AHI1: variants seen among roughly 807,000 people sequenced by gnomAD.
The protein encoded by AHI1 is jouberin.
AHI1 carries 123 observed loss-of-function variants against 149.3 expected under a neutral mutation model. The ratio of observed to expected loss-of-function variants is 0.82; its 90% confidence interval spans 0.71 to 0.96. The LOEUF (loss-of-function observed/expected upper bound fraction) is 0.96. Among genes scored for constraint, AHI1 ranks in the 40% least tolerant of loss-of-function variants. The probability of loss-of-function intolerance (pLI) is 0.00; values close to 1 mark genes in which losing one functional copy is unlikely to be tolerated. For synonymous variants in AHI1, 475 were observed against 459.8 expected (o/e 1.03, Z -0.42); for missense variants, 1,439 against 1,422.7 (o/e 1.01, Z -0.18).
chr6:135,401,837 A>G (rs1780065065), intron 22 of AHI1, among the ~76,000 whole-genome samples: 1 of 152,166 alleles, frequency 6.6e-6, no homozygotes, highest in Non-Finnish European at 1.5e-5. Flanking sequence ...AAATAAACTG[A>G]ACCTCATAAA....
At chr6:135,439,965 C>T (rs1786026218) in intron 14 of AHI1, among the ~76,000 whole-genome samples, 1 of 152,192 alleles carries the variant, frequency 6.6e-6, no homozygotes. Flanking sequence ...TCAACATTCT[C>T]AGAACTCTGA....
intron 5 of AHI1, chr6:135,474,751 A>G (rs966324159): frequency 1.3e-5 from 2 of 152,222 alleles, no homozygotes; most frequent in African/African-American, 4.8e-5. Flanking sequence ...CTGAACTGAC[A>G]GTATATTCCT....
At chr6:135,305,750 C>T (rs112852930) in intron 26 of AHI1, among the ~76,000 whole-genome samples, 144 of 152,288 alleles carry the variant, frequency 9.5e-4, no homozygotes, top group Admixed American at 1.6e-3. Flanking sequence ...TCCTTACTAC[C>T]TTCAGGATAA....
chr6:135,470,247 A>T (rs944868027), intron 5 of AHI1, among the ~76,000 whole-genome samples: 1 of 152,222 alleles, frequency 6.6e-6, no homozygotes, highest in African/African-American at 2.4e-5. Context: ...AGAGAATGCA[A>T]ATCAAAACCA....
chr6:135,429,946 G>A lies in AHI1; in HGVS notation c.2428C>T (p.Pro810Ser). Residue 810 changes from proline (P) to serine (S), a missense_variant, in exon 18 of 29, where the codon CCC becomes TCC. By Grantham distance (74) the Pro-to-Ser change is moderately conservative. Transcript: ENST00000265602. ...GIPISYLEIHPNGKRLLIHTK... is the reference protein window; with the variant it reads ...GIPISYLEIHSNGKRLLIHTK... ...TGGATTAACAAACGTTTTCCATTGG[G>A]ATGAATCTCCAAATAACTTATTGGA... 1 of 1,588,622 alleles carries A rather than the reference G, an allele frequency of 6.3e-7. No individual in the cohort carries two copies. Among genetic ancestry groups the A allele is most frequent in the Non-Finnish European group, 8.6e-7 (1 of 1,166,102 alleles).
chr6:135,427,428 A>G (rs956743472), intron 19 of AHI1, 121 bp from the exon 20 acceptor site: 6 of 839,334 alleles, frequency 7.1e-6, no homozygotes, highest in Non-Finnish European at 7.2e-6. Context: ...CACATTATTT[A>G]TGTGAAAACC....
chr6:135,469,020 T>C (rs1028640953), intron 5 of AHI1, among the ~76,000 whole-genome samples: 1 of 152,172 alleles, frequency 6.6e-6, no homozygotes, highest in African/African-American at 2.4e-5. Context: ...GCCAGCATCA[T>C]CCGGATACCA....
At chr6:135,370,593 A>G (rs1050202136) in intron 23 of AHI1, among the ~76,000 whole-genome samples, 1 of 152,204 alleles carries the variant, frequency 6.6e-6, no homozygotes, top group South Asian at 2.1e-4. Flanking sequence ...CATGTATTTA[A>G]GTGACTGTTT....
intron 20 of AHI1, among the ~76,000 whole-genome samples, chr6:135,418,117 C>G (rs2127989875): frequency 6.6e-6 from 1 of 152,140 alleles, no homozygotes; most frequent in South Asian, 2.1e-4. Context: ...ATGTTTAAAA[C>G]TCATAATTTT....
chr6:135,391,630 C>T (rs1345494772), intron 23 of AHI1, among the ~76,000 whole-genome samples: 1 of 152,096 alleles, frequency 6.6e-6, no homozygotes, highest in African/African-American at 2.4e-5. Flanking sequence ...AAACTTAGTT[C>T]GCCTTAAACA....
At chr6:135,479,617 G>T (rs1793278868) in intron 5 of AHI1, among the ~76,000 whole-genome samples, 1 of 152,174 alleles carries the variant, frequency 6.6e-6, no homozygotes, top group African/African-American at 2.4e-5. Flanking sequence ...AGATGGAAGA[G>T]ACTTGCCTTG....
chr6:135,389,804 G>A (rs1211797798), intron 23 of AHI1, among the ~76,000 whole-genome samples: 2 of 152,100 alleles, frequency 1.3e-5, no homozygotes. Flanking sequence ...ATGCAAAGAT[G>A]ATACAACTAC....
At chr6:135,459,895 T>C (rs1789600392) in intron 8 of AHI1, among the ~76,000 whole-genome samples, 1 of 152,072 alleles carries the variant, frequency 6.6e-6, no homozygotes, top group Admixed American at 6.6e-5. Context: ...ATCCAAACAA[T>C]GTAAGAATAA....
At chr6:135,397,163 T>G (rs1233108946) in intron 22 of AHI1, among the ~76,000 whole-genome samples, 1 of 151,956 alleles carries the variant, frequency 6.6e-6, no homozygotes, top group Non-Finnish European at 1.5e-5. Flanking sequence ...TTGGGGTAAC[T>G]GTTAATTATT....
intron 26 of AHI1, among the ~76,000 whole-genome samples, chr6:135,315,765 T>C (rs1428528662): frequency 1.3e-5 from 2 of 152,214 alleles, no homozygotes; most frequent in Non-Finnish European, 2.9e-5. Flanking sequence ...TTATTATTCT[T>C]CTTGTGCTCC....
intron 24 of AHI1, among the ~76,000 whole-genome samples, chr6:135,327,319 T>C (rs1001011016): frequency 1.3e-5 from 2 of 152,234 alleles, no homozygotes; most frequent in African/African-American, 4.8e-5. Context: ...TTTTCCACAC[T>C]ATTAAGCTGT....
intron 27 of AHI1, chr6:135,297,354 T>A (rs1562452652): frequency 4.4e-6 from 2 of 451,700 alleles, no homozygotes; most frequent in Non-Finnish European, 8.9e-6. Context: ...TTCATAGCCG[T>A]ATGCTCCTTT....
In AHI1 at chr6:135,455,831, C is replaced by A. The variant is rs576077363; in HGVS notation, c.1247G>T (p.Arg416Ile). The A allele has an allele frequency of 3.1e-6, 5 of 1,600,418 alleles. No individual in the cohort carries two copies. In the South Asian group the frequency reaches 5.6e-5, roughly 18 times the overall value. Residue 416 changes from arginine (R) to isoleucine (I), a missense_variant, in exon 10 of 29, where the codon AGA (arginine) becomes ATA (isoleucine). Physicochemically the swap from Arg to Ile is moderately conservative, Grantham distance 97. Transcript: ENST00000265602. ...QPYDFKQLKS[R>I]LPEWEEQIVF... is the part of the protein sequence containing the mutation. ...AATTTGTTCTTCCCACTCTGGAAGT[C>A]TTGATTTTAACTGTTTAAAATCATA... is the stretch of plus-strand genomic sequence containing the variant.
chr6:135,302,059 G>A (rs1172236642), intron 26 of AHI1: 6 of 962,326 alleles, frequency 6.2e-6, no homozygotes, highest in South Asian at 4.8e-5. Context: ...TGGCATGATC[G>A]TAGCTCACTG....
Sources: gnomAD v4.1 joint callset for allele counts (sites outside exome capture counted in the v4.1 genomes callset) on GRCh38, gnomAD v4.1.1 for gene constraint, MANE v1.5 for transcripts, NCBI Gene and HGNC (gene_info 2026-07-23, HGNC 2026-07-21) for gene names.